NR2C2: variants seen among roughly 807,000 people sequenced by gnomAD.
NR2C2 encodes nuclear receptor subfamily 2 group C member 2.
Under a neutral mutation model 62.9 loss-of-function variants are expected in NR2C2, and 6 were observed. The observed-to-expected ratio is 0.10, with a 90% confidence interval of 0.05 to 0.19. The LOEUF (loss-of-function observed/expected upper bound fraction) is 0.19. NR2C2 is among the 10% of genes least tolerant of loss of function. The probability of loss-of-function intolerance (pLI) is 1.00; values close to 1 mark genes in which losing one functional copy is unlikely to be tolerated. For missense variants in NR2C2, 479 were observed against 762.7 expected, an observed-to-expected ratio of 0.63 and a Z score of 4.38; for synonymous variants, 272 against 273.8, an observed-to-expected ratio of 0.99 and a Z score of 0.07.
chr3:14,989,555 G>A (rs1408979513), intron 1 of NR2C2, among the ~76,000 whole-genome samples: 1 of 152,114 alleles, frequency 6.6e-6, no homozygotes, highest in African/African-American at 2.4e-5. Flanking sequence ...AGTGCTTTGA[G>A]AGGCCCAGGT....
intron 13 of NR2C2, among the ~76,000 whole-genome samples, chr3:15,040,184 A>G (rs952453552): frequency 6.6e-6 from 1 of 151,960 alleles, no homozygotes; most frequent in African/African-American, 2.4e-5. Flanking sequence ...AAAACAACAA[A>G]AAAAAACCCT....
intron 10 of NR2C2, chr3:15,034,456 GA>G (rs1483414091): frequency 8.2e-6 from 4 of 487,776 alleles, no homozygotes; most frequent in Non-Finnish European, 1.4e-5. Flanking sequence ...TTTTTTAAGA[GA>G]ATAGTTGATC....
At chr3:15,019,869 G>T (rs912585766) in intron 4 of NR2C2, among the ~76,000 whole-genome samples, 3 of 152,010 alleles carry the variant, frequency 2.0e-5, no homozygotes, top group African/African-American at 7.2e-5. Context: ...TAACAATAAG[G>T]TATTATATAT....
chr3:15,025,658 A>G (rs1409629755), intron 7 of NR2C2: 1 of 152,314 alleles, frequency 6.6e-6, no homozygotes, highest in Non-Finnish European at 1.5e-5. Context: ...ATAATTTACT[A>G]TGAAGGAAGT....
intron 4 of NR2C2, among the ~76,000 whole-genome samples, chr3:15,018,725 T>C (rs939218349): frequency 2.0e-5 from 3 of 152,048 alleles, no homozygotes; most frequent in African/African-American, 4.8e-5. Flanking sequence ...TTATGAGATA[T>C]ATATTTTTTG....
intron 1 of NR2C2, among the ~76,000 whole-genome samples, chr3:14,968,834 A>G (rs1171231610): frequency 7.0e-6 from 1 of 143,498 alleles, no homozygotes; most frequent in Non-Finnish European, 1.5e-5. Flanking sequence ...TGTCCTTTGT[A>G]GGGACATGGA....
At chr3:15,040,773 C>T (rs1170141820) in intron 13 of NR2C2, among the ~76,000 whole-genome samples, 1 of 152,234 alleles carries the variant, frequency 6.6e-6, no homozygotes, top group South Asian at 2.1e-4. Flanking sequence ...AGAATAACTT[C>T]AGCCTCAATA....
At chr3:15,030,213 A>C in intron 8 of NR2C2, 62 bp from the exon 9 acceptor site, 2 of 1,361,702 alleles carry the variant, frequency 1.5e-6, no homozygotes, top group Non-Finnish European at 2.0e-6. Context: ...TCATAGCTAG[A>C]ATTCTGTTCC....
chr3:14,993,165 G>A (rs892778037), intron 1 of NR2C2, among the ~76,000 whole-genome samples: 1 of 151,982 alleles, frequency 6.6e-6, no homozygotes, highest in Non-Finnish European at 1.5e-5. Flanking sequence ...ATATTTCTGG[G>A]AAAAAAGGCC....
intron 1 of NR2C2, among the ~76,000 whole-genome samples, chr3:14,993,107 T>G (rs1450984683): frequency 6.6e-6 from 1 of 152,214 alleles, no homozygotes; most frequent in Non-Finnish European, 1.5e-5. Flanking sequence ...TTTTATATCC[T>G]TTTTACCAAA....
At position 15,007,214 on chromosome 3, in the gene NR2C2, G is replaced by A. The variant is rs1177303979; in HGVS notation, c.72+3228G>A. Among the ~76,000 whole-genome samples the A allele has an allele frequency of 3.7e-4, 54 of 147,704 alleles. 1 individual carries two copies. The highest frequency in any genetic ancestry group is 3.5e-3 in the Admixed American group (51 of 14,404). ...GCGATCTTGGCTCACTGCAACCTCC[G>A]CCTCCCGGGTTCATGCCATTCTCCT... On this transcript the variant is annotated intron_variant, in intron 2 of 13. Coordinates refer to ENST00000425241, the MANE Select transcript of NR2C2 (RefSeq NM_001291694.2).
At chr3:14,972,664 C>T (rs1158365589) in intron 1 of NR2C2, among the ~76,000 whole-genome samples, 2 of 152,058 alleles carry the variant, frequency 1.3e-5, no homozygotes, top group African/African-American at 4.8e-5. Flanking sequence ...AAAGGAATAC[C>T]TGAGGCTGGG....
In NR2C2 at chr3:14,953,894, C is replaced by CAAAAAAAAA. The variant is rs538255184; in HGVS notation, c.-40+5997_-40+6005dup. On this transcript the variant is annotated intron_variant, in intron 1 of 13. Transcript: ENST00000425241. ...TGGGCGACAGTGCGAGACTTCATCT[C>CAAAAAAAAA]AAAAAAAAAAAAAAAAACAACTGAG... Among the ~76,000 whole-genome samples, 536 of 74,208 alleles carry CAAAAAAAAA rather than the reference C, an allele frequency of 7.2e-3. 6 individuals are homozygous for CAAAAAAAAA. The highest frequency in any genetic ancestry group is 0.02 in the African/African-American group (478 of 24,232). 48.7% of individuals were successfully genotyped at this position (74,208 alleles called of 152,430 possible). A position where few individuals can be genotyped will look rare whatever the true frequency, so the allele number is the denominator to read the frequency against.
At chr3:15,022,222 A>G (rs561624205) in intron 5 of NR2C2, among the ~76,000 whole-genome samples, 105 of 152,286 alleles carry the variant, frequency 6.9e-4, no homozygotes, top group African/African-American at 2.5e-3. Context: ...CTTACATTAG[A>G]CTGCTAAAAG....
In NR2C2 at chr3:15,047,230, T is replaced by G. The variant is rs964078630; in HGVS notation, c.*4222T>G. ...CCAAGGTCCCTCGGCAGGGAAGATT[T>G]GCTGGTGATTTTCTTCACTCCATTT... On this transcript the variant is annotated 3_prime_UTR_variant, in exon 14 of 14. Coordinates refer to ENST00000425241, the MANE Select transcript of NR2C2 (RefSeq NM_001291694.2). The G allele has an allele frequency of 2.6e-5, 4 of 152,478 alleles. No homozygotes were observed. The highest frequency in any genetic ancestry group is 9.7e-5 in the African/African-American group (4 of 41,434). The allele number at this position is 152,478 out of a possible 1,614,324, so 9.4% of individuals were successfully genotyped here.
chr3:15,023,863 G>A (rs1180923976), intron 6 of NR2C2, among the ~76,000 whole-genome samples: 1 of 152,208 alleles, frequency 6.6e-6, no homozygotes, highest in Non-Finnish European at 1.5e-5. Flanking sequence ...ACAGTCTGCA[G>A]TCATCCTGGA....
chr3:14,977,611 C>G (rs1056278831), intron 1 of NR2C2, among the ~76,000 whole-genome samples: 1 of 151,918 alleles, frequency 6.6e-6, no homozygotes, highest in African/African-American at 2.4e-5. Context: ...CTTTTAGTTC[C>G]TTTCTTTCCT....
At chr3:14,972,925 C>T (rs77348296) in intron 1 of NR2C2, among the ~76,000 whole-genome samples, 6,212 of 152,142 alleles carry the variant, frequency 0.041, 440 homozygotes, top group African/African-American at 0.14. Context: ...GGTCTTAAAC[C>T]ATTCATGAGC....
chr3:14,976,253 A>G (rs2040200338), intron 1 of NR2C2, among the ~76,000 whole-genome samples: 1 of 152,314 alleles, frequency 6.6e-6, no homozygotes, highest in Non-Finnish European at 1.5e-5. Flanking sequence ...CATTAGATGA[A>G]GAGACTTTAG....
Sources: allele counts gnomAD v4.1 joint callset (sites outside exome capture counted in the v4.1 genomes callset), GRCh38; gene constraint gnomAD v4.1.1; transcripts MANE v1.5; gene names NCBI Gene and HGNC (gene_info 2026-07-23, HGNC 2026-07-21).